Variants in NFU1 observed in about 807,000 individuals in gnomAD.
The protein encoded by NFU1 is NFU1 iron-sulfur cluster scaffold homolog, mitochondrial.
A neutral mutation model predicts 32.2 loss-of-function variants in NFU1; 30 were observed. That is an observed-to-expected ratio of 0.93 (90% CI 0.70 to 1.26). The LOEUF (loss-of-function observed/expected upper bound fraction) is 1.26, where lower values mean the gene tolerates loss of function less well. Ranked by LOEUF, NFU1 falls within the 50% of genes most tolerant of loss-of-function variation. The pLI, the probability that NFU1 is intolerant of heterozygous loss-of-function variation, is 0.00. For missense variants in NFU1, 306 were observed against 306.6 expected, an observed-to-expected ratio of 1.00 and a Z score of 0.02; for synonymous variants, 112 against 104.6, an observed-to-expected ratio of 1.07 and a Z score of -0.43.
chr2:69,422,880 TA>T (rs1326880852), intron 3 of NFU1, among the ~76,000 whole-genome samples: 1 of 152,074 alleles, frequency 6.6e-6, no homozygotes, highest in Non-Finnish European at 1.5e-5. Flanking sequence ...CACACTTGGC[TA>T]ATTTTTGTAT....
chr2:69,410,396 A>C (rs1198787190), intron 5 of NFU1, among the ~76,000 whole-genome samples: 4 of 152,102 alleles, frequency 2.6e-5, no homozygotes, highest in Admixed American at 2.0e-4. Context: ...CTCAAAAAAA[A>C]CCCAAAAAAC....
intron 5 of NFU1, among the ~76,000 whole-genome samples, chr2:69,410,111 G>A (rs1181468355): frequency 6.6e-6 from 1 of 152,046 alleles, no homozygotes; most frequent in African/African-American, 2.4e-5. Flanking sequence ...ATACAGGGTC[G>A]AGTGAGGTGG....
chr2:69,410,398 C>G (rs1672840865), intron 5 of NFU1, among the ~76,000 whole-genome samples: 1 of 151,964 alleles, frequency 6.6e-6, no homozygotes, highest in Non-Finnish European at 1.5e-5. Flanking sequence ...CAAAAAAAAC[C>G]CAAAAAACAG....
At chr2:69,432,931 C>T (rs937148127) in intron 1 of NFU1, among the ~76,000 whole-genome samples, 2 of 151,894 alleles carry the variant, frequency 1.3e-5, no homozygotes, top group African/African-American at 4.8e-5. Flanking sequence ...AGGTGGATCA[C>T]CTGAGGTCAG....
At chr2:69,439,435 T>C (rs926165079), upstream of NFU1, among the ~76,000 whole-genome samples, 3 of 152,234 alleles carry the variant, frequency 2.0e-5, no homozygotes, top group African/African-American at 4.8e-5. Flanking sequence ...GGAGTGAAGC[T>C]GCAGACCTTT....
intron 2 of NFU1, among the ~76,000 whole-genome samples, chr2:69,425,603 C>T (rs1673427641): frequency 6.6e-6 from 1 of 152,106 alleles, no homozygotes; most frequent in South Asian, 2.1e-4. Context: ...GATCCACCCA[C>T]CTCAGCCTCC....
chr2:69,427,864 A>T (rs968765771), intron 2 of NFU1, among the ~76,000 whole-genome samples: 4 of 150,628 alleles, frequency 2.7e-5, no homozygotes, highest in Non-Finnish European at 5.9e-5. Flanking sequence ...TATTTGTAAA[A>T]ATACAAAAAT....
chr2:69,419,216 G>A (rs752812056), intron 4 of NFU1, among the ~76,000 whole-genome samples: 2 of 20,628 alleles, frequency 9.7e-5, no homozygotes, highest in Non-Finnish European at 1.7e-4. Flanking sequence ...CAGGGTGGCG[G>A]GGGGGGGCGC....
chr2:69,407,695 A>C (rs1672743724), intron 5 of NFU1, among the ~76,000 whole-genome samples: 1 of 147,400 alleles, frequency 6.8e-6, no homozygotes, highest in Admixed American at 6.6e-5. Context: ...AAAAAAAGAA[A>C]AGAAAAAGAA....
intron 4 of NFU1, 133 bp downstream of exon 4, chr2:69,419,405 G>A: frequency 1.6e-6 from 1 of 641,044 alleles, no homozygotes; most frequent in African/African-American, 1.8e-5. Context: ...GGACAAGAGA[G>A]TAAGACCCTG....
intron 5 of NFU1, among the ~76,000 whole-genome samples, chr2:69,411,727 G>A (rs906592281): frequency 2.0e-5 from 3 of 151,868 alleles, no homozygotes; most frequent in Non-Finnish European, 4.4e-5. Flanking sequence ...CAAGTAGGTG[G>A]GACTACATGC....
At position 69,400,347 on chromosome 2, in the gene NFU1, A is replaced by G; in HGVS notation, c.720+17T>C. 2.5e-6 allele frequency: 4 copies of G among 1,607,302 alleles called. No individual in the cohort carries two copies. The highest frequency in any genetic ancestry group is 3.4e-6 in the Non-Finnish European group (4 of 1,173,812). The stretch of plus-strand genomic sequence containing the variant: ...AAAAATGAAAAAAATCTAGACTGTC[A>G]TATAATATTGGCATACCTGTTCTAC... On this transcript the variant is annotated intron_variant, in intron 7 of 7. Coordinates refer to ENST00000410022, the MANE Select transcript of NFU1 (RefSeq NM_001002755.4).
chr2:69,429,514 CAA>C (rs1165037029), intron 2 of NFU1, among the ~76,000 whole-genome samples: 1 of 133,128 alleles, frequency 7.5e-6, no homozygotes. Context: ...TGAGCCAAGA[CAA>C]AAAAAAAAAA....
Position 69,408,405 on chromosome 2 carries a change from C to T in NFU1, c.485-2323G>A, listed in dbSNP as rs1198546650. Among the ~76,000 whole-genome samples the T allele has an allele frequency of 2.0e-5, 3 of 152,236 alleles. No homozygotes were observed. The East Asian group carries it at 5.8e-4, about 29-fold the overall frequency. On this transcript the variant is annotated intron_variant, in intron 5 of 7. Coordinates refer to ENST00000410022, the MANE Select transcript of NFU1 (RefSeq NM_001002755.4). The stretch of plus-strand genomic sequence containing the variant: ...TTTGCTGCTATTTCTAACAATCCCG[C>T]AACATATTTGCTTATATAAATATAT...
intron 4 of NFU1, 104 bp downstream of exon 4, chr2:69,419,434 A>G (rs1458061262): frequency 2.9e-6 from 2 of 680,816 alleles, no homozygotes; most frequent in Non-Finnish European, 5.2e-6. Context: ...ATAAAATATA[A>G]AAATTAAAGA....
chr2:69,406,439 T>C (rs909697069), intron 5 of NFU1, among the ~76,000 whole-genome samples: 11 of 152,158 alleles, frequency 7.2e-5, no homozygotes, highest in African/African-American at 2.2e-4. Context: ...CTGATTTTGA[T>C]GGAAACTTTG....
intron 5 of NFU1, among the ~76,000 whole-genome samples, chr2:69,408,012 CA>C (rs199682373): frequency 0.66 from 81,626 of 124,438 alleles, 24,923 homozygotes; most frequent in African/African-American, 0.79. Context: ...GACCCCACCT[CA>C]AAAAAAAAAA....
chr2:69,416,387 T>G (rs1341633318), intron 4 of NFU1, among the ~76,000 whole-genome samples: 1 of 148,770 alleles, frequency 6.7e-6, no homozygotes, highest in East Asian at 1.9e-4. Flanking sequence ...TTATTATTAA[T>G]TCATTCACTT....
At position 69,419,624 on chromosome 2, in the gene NFU1, AAG is replaced by A. The variant is rs1254909286; in HGVS notation, c.303-22_303-21del. 4.9e-6 allele frequency: 7 copies of A among 1,417,810 alleles called. No homozygotes were observed. Among genetic ancestry groups the A allele is most frequent in the African/African-American group, 1.4e-5 (1 of 71,108 alleles). The allele number at this position is 1,417,810 out of a possible 1,614,324, so 87.8% of individuals were successfully genotyped here. A position where few individuals can be genotyped will look rare whatever the true frequency, so the allele number is the denominator to read the frequency against. On this transcript the variant is annotated intron_variant, in intron 3 of 7. Coordinates refer to ENST00000410022, the MANE Select transcript of NFU1 (RefSeq NM_001002755.4). The stretch of plus-strand genomic sequence containing the variant: ...AACTGCCTGCAAAAAAAGAAAAAAT[AAG>A]AGATATTAAAATGCTTGATTATGGA...
Sources: allele counts gnomAD v4.1 joint callset (sites outside exome capture counted in the v4.1 genomes callset), GRCh38; gene constraint gnomAD v4.1.1; transcripts MANE v1.5; gene names NCBI Gene and HGNC (gene_info 2026-07-23, HGNC 2026-07-21).